FOXP4: variants seen among roughly 807,000 people sequenced by gnomAD.
FOXP4 encodes the protein forkhead box protein P4.
A neutral mutation model predicts 82.6 loss-of-function variants in FOXP4; 25 were observed. The ratio of observed to expected loss-of-function variants is 0.30; its 90% CI spans 0.22 to 0.42. The LOEUF is 0.42. Ranked by LOEUF, FOXP4 falls within the 10% of genes least tolerant of loss-of-function variation. FOXP4 has a pLI of 1.00. For synonymous variants in FOXP4, 415 were observed against 388.2 expected, an observed-to-expected ratio of 1.07 and a Z score of -0.81; for missense variants, 785 against 900.9, an observed-to-expected ratio of 0.87 and a Z score of 1.65.
At chr6:41,562,005 C>T (rs2127340502) in intron 1 of FOXP4, among the ~76,000 whole-genome samples, 1 of 152,350 alleles carries the variant, frequency 6.6e-6, no homozygotes, top group East Asian at 1.9e-4. Flanking sequence ...CCCGCCAGCA[C>T]CCTTCCCCAT....
intron 3 of FOXP4, among the ~76,000 whole-genome samples, chr6:41,582,428 G>A (rs1207401423): frequency 3.3e-5 from 5 of 152,382 alleles, no homozygotes; most frequent in Admixed American, 6.5e-5. Context: ...ATCCCAGTTA[G>A]CCGACCGGGA....
Position 41,593,942 on chromosome 6 carries a change from A to ACAGGGTCCAGAG in FOXP4, c.1537-918_1537-917insAGCAGGGTCCAG, listed in dbSNP as rs765099348. On this transcript the variant is annotated intron_variant, in intron 13 of 16. Coordinates refer to ENST00000307972, the MANE Select transcript of FOXP4 (RefSeq NM_001012426.2). This position sits in a 1 kb window ranked among gnomAD's most constrained non-coding sequence, Gnocchi z 4.1. ...GGGGGAGGCTAAGGGAGGACAGGTA[A>ACAGGGTCCAGAG]CAGGGTCCAGGGATGCAGGCAGGGA... 1.6e-4 allele frequency among the ~76,000 whole-genome samples: 25 copies of ACAGGGTCCAGAG among 152,202 alleles called. No homozygotes were observed. Among genetic ancestry groups the ACAGGGTCCAGAG allele is most frequent in the Non-Finnish European group, 2.9e-4 (20 of 68,000 alleles).
intron 1 of FOXP4, among the ~76,000 whole-genome samples, chr6:41,551,149 T>G (rs1481912757): frequency 6.6e-6 from 1 of 152,162 alleles, no homozygotes; most frequent in Non-Finnish European, 1.5e-5. Flanking sequence ...TGTGGTCTTG[T>G]GAGATGTTGC....
At chr6:41,590,394 C>T in intron 12 of FOXP4, 47 bp downstream of exon 12, 1 of 1,568,150 alleles carries the variant, frequency 6.4e-7, no homozygotes, top group Non-Finnish European at 8.7e-7. Context: ...ACACAGGCTG[C>T]TCCCCCAGCC....
chr6:41,588,512 C>G, intron 8 of FOXP4, 132 bp from the exon 9 acceptor site: 1 of 873,860 alleles, frequency 1.1e-6, no homozygotes, highest in Non-Finnish European at 1.9e-6. Flanking sequence ...GTTTTTCCAC[C>G]TCTTTCTCTT....
chr6:41,557,854 G>A (rs1427816801), intron 1 of FOXP4, among the ~76,000 whole-genome samples: 1 of 152,074 alleles, frequency 6.6e-6, no homozygotes, highest in Non-Finnish European at 1.5e-5. Context: ...AAGTTATTTG[G>A]AACTTGGGAG....
chr6:41,579,982 A>G (rs777804798), intron 3 of FOXP4, among the ~76,000 whole-genome samples: 12 of 152,168 alleles, frequency 7.9e-5, no homozygotes, highest in Non-Finnish European at 1.5e-4. Flanking sequence ...AAAGTTGTCC[A>G]AAGTTATACA....
In FOXP4 at chr6:41,565,778, C is replaced by G; in HGVS notation, c.18C>G (p.Ala6=). MMVES[A]SETIRSAPSG... ...AGAGCGACATGATGGTGGAATCTGC[C>G]TCGGAGACAATCAGGTCGGCTCCAT... The change falls in exon 2 of 17, where the codon GCC becomes GCG. Residue 6 remains alanine (A), a synonymous_variant. Coordinates refer to ENST00000307972, the MANE Select transcript of FOXP4 (RefSeq NM_001012426.2). 2 of 1,606,666 alleles carry G rather than the reference C, an allele frequency of 1.2e-6. No homozygotes were observed.
In FOXP4 at chr6:41,587,082, T is replaced by C. The variant is rs1423181450; in HGVS notation, c.584T>C (p.Leu195Pro). ...CAACAGTTGCAGCAGCAGCACCTGC[T>C]CAACCTGCAGAGGCAGGGGCTGGTC... is the stretch of plus-strand genomic sequence containing the variant. Reference protein sequence around the residue: ...QMQQLQQQHLLNLQRQGLVSL... With the variant: ...QMQQLQQQHLPNLQRQGLVSL... The change falls in exon 6 of 17, where the codon CTC becomes CCC. Residue 195 changes from leucine (L) to proline (P), a missense_variant. Physicochemically the swap from Leu to Pro is moderately conservative, Grantham distance 98 (BLOSUM62 -3). Transcript: ENST00000307972. 2 of 1,609,306 alleles carry C rather than the reference T, an allele frequency of 1.2e-6. No homozygotes were observed. The highest frequency in any genetic ancestry group is 1.7e-6 in the Non-Finnish European group (2 of 1,176,900).
rs1229797347 is a variant in FOXP4 at position 41,558,226 on chromosome 6, C to G, written c.-16-7519C>G. Reference sequence around the variant, plus strand: ...AGCCCCATGTGTTTGGGGAGAGAAACTGCTGGCACGATCAGGGAGCCAAGC... The same window carrying G: ...AGCCCCATGTGTTTGGGGAGAGAAAGTGCTGGCACGATCAGGGAGCCAAGC... On this transcript the variant is annotated intron_variant, in intron 1 of 16. Transcript: ENST00000307972. This position sits in a 1 kb window ranked among gnomAD's most constrained non-coding sequence, Gnocchi z 4.0. Among the ~76,000 whole-genome samples, 1 of 152,194 alleles carries G rather than the reference C, an allele frequency of 6.6e-6. No homozygotes were observed. The highest frequency in any genetic ancestry group is 2.4e-5 in the African/African-American group (1 of 41,448).
intron 1 of FOXP4, among the ~76,000 whole-genome samples, chr6:41,563,432 G>T (rs1255422848): frequency 6.6e-6 from 1 of 152,190 alleles, no homozygotes; most frequent in African/African-American, 2.4e-5. Flanking sequence ...TCTTTCCGCA[G>T]TTTCTCATTG....
At chr6:41,574,326 A>G (rs1210646084) in intron 2 of FOXP4, among the ~76,000 whole-genome samples, 1 of 152,202 alleles carries the variant, frequency 6.6e-6, no homozygotes, top group Non-Finnish European at 1.5e-5. Context: ...GGACTCTGCC[A>G]CTTCCTAGCT....
At chr6:41,561,154 C>T (rs1764558065) in intron 1 of FOXP4, among the ~76,000 whole-genome samples, 1 of 152,196 alleles carries the variant, frequency 6.6e-6, no homozygotes, top group South Asian at 2.1e-4. Context: ...ACCCAGCTTC[C>T]TTCCGACGGC....
chr6:41,584,878 T>C lies in FOXP4; in HGVS notation c.410T>C (p.Leu137Pro). Residue 137 changes from leucine to proline, a missense_variant, in exon 4 of 17, where the codon CTC becomes CCC. Leu to Pro is a moderately conservative substitution (Grantham distance 98, BLOSUM62 -3). Transcript: ENST00000307972. ...LQALLQQQQA[L>P]MLQQLQEYYK... is the part of the protein sequence containing the mutation. Reference sequence around the variant, plus strand: ...GCCTTGCTCCAGCAGCAGCAAGCCCTCATGCTCCAGCAGGTGAGTCTGGCC... The same window carrying C: ...GCCTTGCTCCAGCAGCAGCAAGCCCCCATGCTCCAGCAGGTGAGTCTGGCC... 1 of 1,610,760 alleles carries C rather than the reference T, an allele frequency of 6.2e-7. No individual in the cohort carries two copies. Among genetic ancestry groups the C allele is most frequent in the South Asian group, 1.1e-5 (1 of 90,358 alleles).
intron 3 of FOXP4, among the ~76,000 whole-genome samples, chr6:41,579,284 C>G (rs1173141976): frequency 5.3e-5 from 8 of 152,006 alleles, no homozygotes; most frequent in African/African-American, 1.9e-4. Flanking sequence ...TCTGGAAAGT[C>G]AATAAAGAGA....
chr6:41,548,844 T>C (rs1162498905), intron 1 of FOXP4, among the ~76,000 whole-genome samples: 2 of 126,348 alleles, frequency 1.6e-5, no homozygotes, highest in Admixed American at 8.3e-5. Context: ...TTTTTTTTTT[T>C]TCAACTTGAG....
intron 2 of FOXP4, among the ~76,000 whole-genome samples, chr6:41,574,418 T>G (rs1198594524): frequency 1.3e-5 from 2 of 152,204 alleles, no homozygotes; most frequent in African/African-American, 2.4e-5. Flanking sequence ...TTGTGAAGCT[T>G]CAATTAAATG....
In FOXP4 at chr6:41,597,855, G is replaced by A. The variant is rs779542546; in HGVS notation, c.1800G>A (p.Leu600=). Reference sequence around the variant, plus strand: ...TGAACCCTGGCTCCGCCAGCAGCCTGCTGCCCCTCAGCCACGATGACGTGG... The same window carrying A: ...TGAACCCTGGCTCCGCCAGCAGCCTACTGCCCCTCAGCCACGATGACGTGG... ...GMLNPGSASS[L]LPLSHDDVGA... is the part of the protein sequence containing the mutation. Residue 600 remains leucine (L), a synonymous_variant, in exon 16 of 17, where the codon CTG becomes CTA. Coordinates refer to ENST00000307972, the MANE Select transcript of FOXP4 (RefSeq NM_001012426.2). 6.2e-7 allele frequency: 1 copy of A among 1,601,870 alleles called. No individual in the cohort carries two copies. The highest frequency in any genetic ancestry group is 1.1e-5 in the South Asian group (1 of 89,828).
chr6:41,571,748 T>TC (rs756697178), intron 2 of FOXP4, among the ~76,000 whole-genome samples: 3 of 152,052 alleles, frequency 2.0e-5, no homozygotes, highest in South Asian at 2.1e-4. Context: ...ACCTTCCTTG[T>TC]CCCCCCTCTC....
Sources: allele counts gnomAD v4.1 joint callset (sites outside exome capture counted in the v4.1 genomes callset), GRCh38; gene constraint gnomAD v4.1.1; non-coding constraint Gnocchi (gnomAD v3.1); transcripts MANE v1.5; gene names NCBI Gene and HGNC (gene_info 2026-07-23, HGNC 2026-07-21).